RBFOX1: variants seen among roughly 807,000 people sequenced by gnomAD.
RBFOX1 encodes the protein RNA binding fox-1 homolog 1.
In RBFOX1, 8 loss-of-function variants were observed where a neutral mutation model predicts 57.7. The ratio of observed to expected loss-of-function variants is 0.14; its 90% CI spans 0.08 to 0.25. The LOEUF (loss-of-function observed/expected upper bound fraction) is 0.25, where lower values mean the gene tolerates loss of function less well. Among genes scored for constraint, RBFOX1 ranks in the 10% least tolerant of loss-of-function variants. RBFOX1 has a pLI of 1.00. For missense variants in RBFOX1, 611 were observed against 548.5 expected (o/e 1.11, Z -1.14); for synonymous variants, 326 against 222.4 (o/e 1.47, Z -4.15).
At chr16:6,432,990 A>C (rs1277596511) in intron 2 of RBFOX1, among the ~76,000 whole-genome samples, 2 of 152,164 alleles carry the variant, frequency 1.3e-5, no homozygotes, top group Non-Finnish European at 2.9e-5. Context: ...TAATAAAAAT[A>C]ATGATAACAA....
intron 2 of RBFOX1, among the ~76,000 whole-genome samples, chr16:6,463,185 T>C (rs939994024): frequency 4.6e-5 from 7 of 152,224 alleles, no homozygotes; most frequent in African/African-American, 1.7e-4. Flanking sequence ...GAATTTACTT[T>C]TGCAAAGCTA....
chr16:7,404,389 C>G (rs1363397417), intron 4 of RBFOX1, among the ~76,000 whole-genome samples: 1 of 152,176 alleles, frequency 6.6e-6, no homozygotes, highest in Non-Finnish European at 1.5e-5. Flanking sequence ...TTGTAGGTCA[C>G]TGACCTATCA....
chr16:6,506,002 A>C (rs530745715), intron 2 of RBFOX1, among the ~76,000 whole-genome samples: 8 of 152,308 alleles, frequency 5.3e-5, no homozygotes, highest in African/African-American at 1.9e-4. Flanking sequence ...ACCTCTAATT[A>C]CTATCTGAGC....
At chr16:7,090,879 C>G (rs753551315) in intron 4 of RBFOX1, among the ~76,000 whole-genome samples, 1 of 84,622 alleles carries the variant, frequency 1.2e-5, no homozygotes, top group Non-Finnish European at 2.7e-5. Context: ...ACCCTCTTGA[C>G]CAGCACAACC....
At chr16:6,754,288 G>A (rs542432309) in intron 3 of RBFOX1, among the ~76,000 whole-genome samples, 9 of 152,214 alleles carry the variant, frequency 5.9e-5, no homozygotes, top group South Asian at 4.1e-4. Context: ...CTGACTCTCC[G>A]CCAACTCAAT....
At chr16:6,788,236 T>C (rs898287428) in intron 3 of RBFOX1, among the ~76,000 whole-genome samples, 1 of 151,924 alleles carries the variant, frequency 6.6e-6, no homozygotes, top group African/African-American at 2.4e-5. Flanking sequence ...ATAATAATAA[T>C]AAAATAAGCC....
At chr16:6,740,983 C>T (rs1337961480) in intron 3 of RBFOX1, among the ~76,000 whole-genome samples, 1 of 152,134 alleles carries the variant, frequency 6.6e-6, no homozygotes, top group East Asian at 1.9e-4. Context: ...TATGTAACTC[C>T]AGTCATCATC....
Position 5,908,209 on chromosome 16 carries a change from T to C in RBFOX1, c.351+40874T>C, listed in dbSNP as rs538678136. On this transcript the variant is annotated intron_variant, in intron 4 of 19. Coordinates refer to the RBFOX1 transcript ENST00000641259. Reference sequence around the variant, plus strand: ...ATACACATATATACATATACACACATATATATACATATATACACACATATA... The same window carrying C: ...ATACACATATATACATATACACACACATATATACATATATACACACATATA... Among the ~76,000 whole-genome samples, 45 of 139,674 alleles carry C rather than the reference T, an allele frequency of 3.2e-4. 1 individual carries two copies. Among genetic ancestry groups the C allele is most frequent in the African/African-American group, 8.0e-4 (29 of 36,242 alleles). 91.6% of individuals were successfully genotyped at this position (139,674 alleles called of 152,430 possible). A position where few individuals can be genotyped will look rare whatever the true frequency, so the allele number is the denominator to read the frequency against.
chr16:6,856,714 T>A (rs2057972060), intron 3 of RBFOX1, among the ~76,000 whole-genome samples: 1 of 152,134 alleles, frequency 6.6e-6, no homozygotes, highest in Admixed American at 6.5e-5. Flanking sequence ...AGTGGTTATC[T>A]CAATCACAAA....
In RBFOX1 at chr16:6,480,226, C is replaced by T. The variant is rs565059557; in HGVS notation, c.-64+163169C>T. Among the ~76,000 whole-genome samples, 5 of 152,266 alleles carry T rather than the reference C, an allele frequency of 3.3e-5. No homozygotes were observed. In the East Asian group the frequency reaches 9.6e-4, roughly 29 times the overall value. On this transcript the variant is annotated intron_variant, in intron 2 of 15. Coordinates refer to ENST00000550418, the MANE Select transcript of RBFOX1 (RefSeq NM_018723.4). ...TGCTTTTAAAAGTGATACACATGTA[C>T]ACACATATAACATATAGAGTATATA...
intron 2 of RBFOX1, among the ~76,000 whole-genome samples, chr16:6,570,268 A>G (rs953417283): frequency 4.6e-5 from 7 of 152,188 alleles, no homozygotes; most frequent in African/African-American, 1.7e-4. Flanking sequence ...TCACTGTAAG[A>G]TACTCTTTTG....
At chr16:5,580,138 C>T (rs1172839239) in intron 2 of RBFOX1, among the ~76,000 whole-genome samples, 1 of 152,210 alleles carries the variant, frequency 6.6e-6, no homozygotes, top group Non-Finnish European at 1.5e-5. Context: ...GGCCTGGACT[C>T]TGCCTCCCTC....
At chr16:5,601,676 A>G (rs1312473748), downstream of RBFOX1, 3 of 152,244 alleles carry the variant, frequency 2.0e-5, no homozygotes, top group Non-Finnish European at 4.4e-5. Context: ...TATGGAAAGA[A>G]AACAAAGATA....
intron 3 of RBFOX1, among the ~76,000 whole-genome samples, chr16:5,669,927 C>G (rs2049965851): frequency 6.6e-6 from 1 of 152,160 alleles, no homozygotes; most frequent in African/African-American, 2.4e-5. Context: ...AAGGTAGAAA[C>G]TAATCAAAAG....
intron 4 of RBFOX1, among the ~76,000 whole-genome samples, chr16:7,349,904 T>C (rs911356658): frequency 6.6e-6 from 1 of 152,176 alleles, no homozygotes. Flanking sequence ...CCCAACACTT[T>C]GGGAGGCCGA....
At chr16:6,928,021 C>G (rs758875471) in intron 3 of RBFOX1, among the ~76,000 whole-genome samples, 10 of 152,132 alleles carry the variant, frequency 6.6e-5, no homozygotes, top group African/African-American at 1.2e-4. Flanking sequence ...CCCCCAGCAC[C>G]CACCCCTCTA....
chr16:7,316,445 G>C (rs940690502), intron 4 of RBFOX1, among the ~76,000 whole-genome samples: 1 of 152,188 alleles, frequency 6.6e-6, no homozygotes, highest in Non-Finnish European at 1.5e-5. Context: ...TTTCTCTGAA[G>C]TCAATGGTTA....
chr16:7,051,978 A>C (rs1441457976), intron 3 of RBFOX1, 79 bp from the exon 4 acceptor site: 58 of 1,557,826 alleles, frequency 3.7e-5, no homozygotes, highest in Non-Finnish European at 4.9e-5. Context: ...GAGTAATTAA[A>C]AGTAACTTTC....
At chr16:6,858,299 G>A (rs980521632) in intron 3 of RBFOX1, among the ~76,000 whole-genome samples, 2 of 152,296 alleles carry the variant, frequency 1.3e-5, no homozygotes, top group East Asian at 3.9e-4. Flanking sequence ...TCTCTGTGTT[G>A]AGAGACTAGA....
Sources: allele counts gnomAD v4.1 joint callset (sites outside exome capture counted in the v4.1 genomes callset), GRCh38; gene constraint gnomAD v4.1.1; transcripts MANE v1.5; gene names NCBI Gene and HGNC (gene_info 2026-07-23, HGNC 2026-07-21).